LRRC8B: variants seen among roughly 807,000 people sequenced by gnomAD.
LRRC8B encodes leucine rich repeat containing 8 VRAC subunit B, also known as volume-regulated anion channel subunit LRRC8B.
A neutral mutation model predicts 58.8 loss-of-function variants in LRRC8B; 23 were observed. The observed-to-expected ratio is 0.39, with a 90% CI of 0.28 to 0.55. LRRC8B has a LOEUF of 0.55. Ranked by LOEUF, LRRC8B falls within the 20% of genes least tolerant of loss-of-function variation. The pLI is 0.62. For missense variants in LRRC8B, 694 were observed against 936.0 expected (o/e 0.74, Z 3.37); for synonymous variants, 359 against 374.1 (o/e 0.96, Z 0.47).
Position 89,595,293 on chromosome 1 carries a change from A to AGTTGATGT in LRRC8B, c.*2251_*2258dup. The AGTTGATGT allele has an allele frequency of 6.6e-6, 1 of 152,232 alleles. No homozygotes were observed. The highest frequency in any genetic ancestry group is 1.9e-4 in the East Asian group (1 of 5,192). 9.4% of individuals were successfully genotyped at this position (152,232 alleles called of 1,614,324 possible). A position where few individuals can be genotyped will look rare whatever the true frequency, so the allele number is the denominator to read the frequency against. ...TGTTATTTTCATTTTTTAAAGTGTG[A>AGTTGATGT]GTTGATGTTTATTTTAGTGTTTCAC... On this transcript the variant is annotated 3_prime_UTR_variant, in exon 6 of 6. Coordinates refer to ENST00000330947, the MANE Select transcript of LRRC8B (RefSeq NM_001369817.2).
rs1654990243 is a variant in LRRC8B, at chr1:89,591,764, A to C, written c.2140-1007A>C. On this transcript the variant is annotated intron_variant, in intron 5 of 5. Coordinates refer to ENST00000330947, the MANE Select transcript of LRRC8B (RefSeq NM_001369817.2). Reference sequence around the variant, plus strand: ...TTAGCCCGTCAGAGGATATAGGCCAAGTCCCTGAGTGCCCTTTTTATCCCT... The same window carrying C: ...TTAGCCCGTCAGAGGATATAGGCCACGTCCCTGAGTGCCCTTTTTATCCCT... Among the ~76,000 whole-genome samples, 7 of 152,326 alleles carry C rather than the reference A, an allele frequency of 4.6e-5. No homozygotes were observed. The South Asian group carries it at 1.5e-3, about 32-fold the overall frequency.
chr1:89,586,446 A>G (rs1464966571), intron 5 of LRRC8B, among the ~76,000 whole-genome samples: 2 of 152,236 alleles, frequency 1.3e-5, no homozygotes, highest in African/African-American at 2.4e-5. Flanking sequence ...ACACAGTTAA[A>G]TCACTTTCAA....
At chr1:89,538,366 A>G (rs1046110124) in intron 1 of LRRC8B, among the ~76,000 whole-genome samples, 1 of 152,208 alleles carries the variant, frequency 6.6e-6, no homozygotes, top group African/African-American at 2.4e-5. Context: ...TTAGGAACTG[A>G]TAGTGCCTTT....
chr1:89,577,302 A>T (rs925219182), intron 3 of LRRC8B, among the ~76,000 whole-genome samples: 2 of 152,200 alleles, frequency 1.3e-5, no homozygotes, highest in Non-Finnish European at 2.9e-5. Flanking sequence ...GGAAGTAAAG[A>T]TGCCTAACTT....
rs188065654 is a variant in LRRC8B at position 89,552,153 on chromosome 1, C to T, written c.-240-16094C>T. 3.3e-5 allele frequency among the ~76,000 whole-genome samples: 5 copies of T among 152,186 alleles called. No homozygotes were observed. The East Asian group carries it at 9.7e-4, about 29-fold the overall frequency. On this transcript the variant is annotated intron_variant, in intron 1 of 5. Transcript: ENST00000330947. ...AAGTCATAGGTAGTTCAGGAACTACCTTCTTATTTAGATTGCTAGGACATT... is the reference window on the plus strand; with the variant it reads ...AAGTCATAGGTAGTTCAGGAACTACTTTCTTATTTAGATTGCTAGGACATT...
intron 1 of LRRC8B, among the ~76,000 whole-genome samples, chr1:89,541,051 T>C (rs1650929580): frequency 1.3e-5 from 2 of 152,208 alleles, no homozygotes; most frequent in Non-Finnish European, 2.9e-5. Flanking sequence ...AGCACAACTT[T>C]TTAAATTATA....
At chr1:89,574,602 CT>C (rs201836946) in intron 3 of LRRC8B, among the ~76,000 whole-genome samples, 14 of 151,182 alleles carry the variant, frequency 9.3e-5, no homozygotes, top group East Asian at 1.9e-4. Flanking sequence ...TTTAACTCCC[CT>C]TTTTTTTTGA....
At chr1:89,560,605 C>G (rs1253777623) in intron 1 of LRRC8B, among the ~76,000 whole-genome samples, 1 of 140,888 alleles carries the variant, frequency 7.1e-6, no homozygotes, top group Non-Finnish European at 1.5e-5. Context: ...TCTCATTGTT[C>G]AATTCCCACC....
intron 1 of LRRC8B, among the ~76,000 whole-genome samples, chr1:89,565,425 C>A (rs1052632436): frequency 2.6e-5 from 4 of 152,208 alleles, no homozygotes; most frequent in African/African-American, 7.2e-5. Flanking sequence ...AGCAGTTCCC[C>A]ATTCAGATTT....
intron 3 of LRRC8B, among the ~76,000 whole-genome samples, chr1:89,579,095 T>G (rs1459268271): frequency 6.6e-6 from 1 of 152,174 alleles, no homozygotes; most frequent in Non-Finnish European, 1.5e-5. Flanking sequence ...GTTTTAAATA[T>G]GGGTACAGAA....
chr1:89,531,323 A>T (rs902328399), intron 1 of LRRC8B, among the ~76,000 whole-genome samples: 1 of 152,278 alleles, frequency 6.6e-6, no homozygotes, highest in South Asian at 2.1e-4. Flanking sequence ...GATAAATTTT[A>T]TTATGTGCAC....
rs1397381533 is a variant in LRRC8B, at chr1:89,584,720, C to A, written c.2070C>A (p.His690Gln). The A allele has an allele frequency of 6.2e-7, 1 of 1,613,298 alleles. No homozygotes were observed. The highest frequency in any genetic ancestry group is 1.3e-5 in the African/African-American group (1 of 74,916). ...ATTATTTGGATCTAAGCTATAACCA[C>A]TTGACCTTCATTCCAGAAGAAATCC... ...KLHYLDLSYN[H>Q]LTFIPEEIQY... Residue 690 changes from histidine to glutamine, a missense_variant, in exon 5 of 6, where the codon CAC (histidine) becomes CAA (glutamine). His to Gln is a conservative substitution (Grantham distance 24). This residue lies in a region of LRRC8B where 139 missense variants were observed against 158.2 expected (regional missense o/e 0.88). Coordinates refer to ENST00000330947, the MANE Select transcript of LRRC8B (RefSeq NM_001369817.2).
At chr1:89,543,733 T>C (rs1322729656) in intron 1 of LRRC8B, among the ~76,000 whole-genome samples, 1 of 151,904 alleles carries the variant, frequency 6.6e-6, no homozygotes, top group Admixed American at 6.6e-5. Context: ...TGACCTCAGA[T>C]GATCCACCCA....
intron 3 of LRRC8B, among the ~76,000 whole-genome samples, chr1:89,574,900 C>T (rs1435660964): frequency 6.6e-6 from 1 of 152,198 alleles, no homozygotes; most frequent in Admixed American, 6.6e-5. Flanking sequence ...CTGTAAGACC[C>T]TTCGTTAAAA....
chr1:89,553,597 C>A (rs1483352019), intron 1 of LRRC8B, among the ~76,000 whole-genome samples: 1 of 152,116 alleles, frequency 6.6e-6, no homozygotes, highest in Admixed American at 6.5e-5. Flanking sequence ...TAAAAAAGTA[C>A]AAATCAAATT....
intron 3 of LRRC8B, among the ~76,000 whole-genome samples, chr1:89,579,079 T>C (rs989533354): frequency 2.0e-5 from 3 of 152,178 alleles, no homozygotes; most frequent in African/African-American, 7.2e-5. Flanking sequence ...TTTGGATAGA[T>C]GTTTGGTTTT....
At chr1:89,580,414 T>G (rs35176344) in intron 4 of LRRC8B, among the ~76,000 whole-genome samples, 64,038 of 152,058 alleles carry the variant, frequency 0.42, 14,393 homozygotes, top group South Asian at 0.56. Flanking sequence ...AACAGCTGTC[T>G]CATGACTAGC....
intron 1 of LRRC8B, among the ~76,000 whole-genome samples, chr1:89,555,147 A>G (rs745479040): frequency 8.5e-5 from 13 of 152,206 alleles, no homozygotes; most frequent in Admixed American, 3.3e-4. Context: ...ATGTGGAGAA[A>G]TGACCTGTCA....
chr1:89,592,074 A>AG (rs1655015229), intron 5 of LRRC8B, among the ~76,000 whole-genome samples: 1 of 152,150 alleles, frequency 6.6e-6, no homozygotes, highest in East Asian at 1.9e-4. Context: ...TCTACCATAT[A>AG]GGGCAGCAGT....
Sources: allele counts gnomAD v4.1 joint callset (sites outside exome capture counted in the v4.1 genomes callset), GRCh38; gene constraint gnomAD v4.1.1; regional missense constraint gnomAD v4.1.1; transcripts MANE v1.5; gene names NCBI Gene and HGNC (gene_info 2026-07-23, HGNC 2026-07-21).